PDE1C: variants seen among roughly 807,000 people sequenced by gnomAD.
PDE1C encodes the protein phosphodiesterase 1C.
A neutral mutation model predicts 93.1 loss-of-function variants in PDE1C; 62 were observed. The ratio of observed to expected loss-of-function variants is 0.67; its 90% confidence interval spans 0.54 to 0.82. PDE1C has a LOEUF of 0.82. Among genes scored for constraint, PDE1C ranks in the 40% least tolerant of loss-of-function variants. The probability of loss-of-function intolerance (pLI) is 0.00; values close to 1 mark genes in which losing one functional copy is unlikely to be tolerated. For synonymous variants in PDE1C, 325 were observed against 310.1 expected (o/e 1.05, Z -0.50); for missense variants, 742 against 884.6 (o/e 0.84, Z 2.04).
chr7:31,975,466 C>G (rs1811543353), intron 2 of PDE1C, among the ~76,000 whole-genome samples: 1 of 152,102 alleles, frequency 6.6e-6, no homozygotes, highest in Non-Finnish European at 1.5e-5. Context: ...GAAGGTGACA[C>G]ACCAAGGATG....
chr7:31,975,579 A>T (rs1811560207), intron 2 of PDE1C, among the ~76,000 whole-genome samples: 2 of 151,398 alleles, frequency 1.3e-5, no homozygotes. Flanking sequence ...ATCTAATTTT[A>T]TATATATATA....
intron 2 of PDE1C, among the ~76,000 whole-genome samples, chr7:31,988,995 C>CAAAAAA (rs36081234): frequency 1.2e-4 from 4 of 34,104 alleles, no homozygotes; most frequent in African/African-American, 3.2e-4. Context: ...AACTTCTTCT[C>CAAAAAA]AAAAAAAAAA....
the PDE1C span, among the ~76,000 whole-genome samples, chr7:31,629,939 A>C: frequency 6.6e-6 from 1 of 152,244 alleles, no homozygotes; most frequent in East Asian, 1.9e-4. Flanking sequence ...TAAAATATAC[A>C]AACATGATAT....
chr7:32,026,771 T>C (rs1300666773), intron 2 of PDE1C, among the ~76,000 whole-genome samples: 1 of 152,068 alleles, frequency 6.6e-6, no homozygotes, highest in Non-Finnish European at 1.5e-5. Flanking sequence ...TGTCCTTTTA[T>C]AGGTGAATGG....
intron 2 of PDE1C, among the ~76,000 whole-genome samples, chr7:31,908,813 A>G (rs1056190951): frequency 6.6e-6 from 1 of 152,192 alleles, no homozygotes; most frequent in African/African-American, 2.4e-5. Context: ...ATTCAATCAA[A>G]CACTAATCTA....
intron 17 of PDE1C, among the ~76,000 whole-genome samples, chr7:31,762,133 CCTCT>C (rs942665913): frequency 1.3e-5 from 2 of 152,144 alleles, no homozygotes; most frequent in African/African-American, 4.8e-5. Context: ...AATTTATTTG[CCTCT>C]CTAAGACACA....
chr7:31,917,097 G>T (rs1802019330), intron 2 of PDE1C, among the ~76,000 whole-genome samples: 1 of 152,050 alleles, frequency 6.6e-6, no homozygotes, highest in Non-Finnish European at 1.5e-5. Context: ...GGATGGGAAA[G>T]GTATACCTCC....
intron 2 of PDE1C, among the ~76,000 whole-genome samples, chr7:32,204,037 A>C (rs1805226675): frequency 6.6e-6 from 1 of 152,252 alleles, no homozygotes; most frequent in African/African-American, 2.4e-5. Context: ...CTTTTTACTA[A>C]GTGCACTTAG....
the PDE1C span, among the ~76,000 whole-genome samples, chr7:31,633,284 A>C: frequency 3.6e-3 from 555 of 152,352 alleles, 4 homozygotes; most frequent in African/African-American, 0.013. Context: ...TCCAAGGAGC[A>C]GAGCTATGAC....
intron 2 of PDE1C, among the ~76,000 whole-genome samples, chr7:31,969,443 T>C (rs1410848515): frequency 6.6e-6 from 1 of 152,140 alleles, no homozygotes; most frequent in Non-Finnish European, 1.5e-5. Flanking sequence ...CACAACGAGA[T>C]ACCATCACAC....
At chr7:31,893,506 C>T (rs749478701) in intron 2 of PDE1C, 9 of 984,338 alleles carry the variant, frequency 9.1e-6, no homozygotes, top group Non-Finnish European at 1.1e-5. Flanking sequence ...TTGCCAGCAC[C>T]ACCTCCCTTT....
At chr7:31,675,201 A>G in the PDE1C span, among the ~76,000 whole-genome samples, 1 of 152,130 alleles carries the variant, frequency 6.6e-6, no homozygotes. Flanking sequence ...CCAGTTTGCA[A>G]TCATGATTTC....
chr7:31,634,737 C>T, the PDE1C span, among the ~76,000 whole-genome samples: 1 of 152,146 alleles, frequency 6.6e-6, no homozygotes, highest in Non-Finnish European at 1.5e-5. Flanking sequence ...ATTCCATTTA[C>T]ACAACTGGTT....
At chr7:32,395,020 C>T (rs1225601433) in intron 1 of PDE1C, among the ~76,000 whole-genome samples, 1 of 152,164 alleles carries the variant, frequency 6.6e-6, no homozygotes, top group Non-Finnish European at 1.5e-5. Context: ...CCAGATAAAC[C>T]TCTTTCTCTA....
chr7:31,879,220 G>A, intron 3 of PDE1C, 42 bp from the exon 4 acceptor site: 1 of 1,572,576 alleles, frequency 6.4e-7, no homozygotes, highest in Non-Finnish European at 8.7e-7. Context: ...GATTAAATCT[G>A]AAGTTGGAGC....
At chr7:32,222,232 A>G (rs577632667) in intron 1 of PDE1C, among the ~76,000 whole-genome samples, 2 of 152,200 alleles carry the variant, frequency 1.3e-5, no homozygotes, top group Non-Finnish European at 2.9e-5. Context: ...AAATCATCGC[A>G]TCGTTACCAA....
chr7:32,242,444 G>A (rs1346669989), intron 1 of PDE1C, among the ~76,000 whole-genome samples: 2 of 152,212 alleles, frequency 1.3e-5, no homozygotes, highest in East Asian at 3.9e-4. Context: ...TATGCCCATG[G>A]AAGCAAGTAG....
At chr7:31,632,785 C>G in the PDE1C span, among the ~76,000 whole-genome samples, 10 of 152,166 alleles carry the variant, frequency 6.6e-5, no homozygotes, top group African/African-American at 2.4e-4. Context: ...AAGTAAGAGC[C>G]TATTCAAAAG....
intron 1 of PDE1C, among the ~76,000 whole-genome samples, chr7:32,255,987 A>C (rs1010694663): frequency 8.5e-5 from 13 of 152,232 alleles, no homozygotes; most frequent in Non-Finnish European, 1.6e-4. Flanking sequence ...AACTGTGTGC[A>C]GGGGGAGCAG....
Sources: allele counts gnomAD v4.1 joint callset (sites outside exome capture counted in the v4.1 genomes callset), GRCh38; gene constraint gnomAD v4.1.1; transcripts MANE v1.5; gene names NCBI Gene and HGNC (gene_info 2026-07-23, HGNC 2026-07-21).